The following TDRD1 variants were observed in gnomAD, a reference collection of about 807,000 sequenced individuals.
The protein encoded by TDRD1 is tudor domain-containing protein 1.
A neutral mutation model predicts 140.6 loss-of-function variants in TDRD1; 37 were observed. The observed-to-expected ratio is 0.26, with a 90% CI of 0.20 to 0.35. The LOEUF is 0.35. Among genes scored for constraint, TDRD1 ranks in the 10% least tolerant of loss-of-function variants. The probability of loss-of-function intolerance (pLI) is 1.00; values close to 1 mark genes in which losing one functional copy is unlikely to be tolerated. For missense variants in TDRD1, 1,243 were observed against 1,393.0 expected (o/e 0.89, Z 1.71); for synonymous variants, 506 against 475.7 (o/e 1.06, Z -0.83).
intron 3 of TDRD1, among the ~76,000 whole-genome samples, chr10:114,196,649 G>A (rs1050558580): frequency 6.6e-6 from 1 of 151,554 alleles, no homozygotes; most frequent in Admixed American, 6.6e-5. Context: ...TTAATAGAAG[G>A]AATTTTAAAA....
At chr10:114,218,382 G>A (rs2035944356) in intron 17 of TDRD1, 32 bp from the exon 18 acceptor site, 1 of 1,423,438 alleles carries the variant, frequency 7.0e-7, no homozygotes, top group Non-Finnish European at 9.4e-7. Flanking sequence ...GAAAGGAAAT[G>A]TTCCATGTCA....
In TDRD1 at chr10:114,221,345, GTA is replaced by G; in HGVS notation, c.2771-10_2771-9del. ...TTATTCCGTGTGAGACCTGTGTTTTGTATGTTTCCAGCTACCTCTTCAGCTGA... is the reference window on the plus strand; with the variant it reads ...TTATTCCGTGTGAGACCTGTGTTTTGTGTTTCCAGCTACCTCTTCAGCTGA... On this transcript the variant is annotated splice_polypyrimidine_tract_variant and intron_variant, in intron 19 of 25. Coordinates refer to ENST00000251864, the Ensembl canonical transcript of TDRD1. The G allele has an allele frequency of 6.2e-7, 1 of 1,612,066 alleles. No homozygotes were observed. Among genetic ancestry groups the G allele is most frequent in the South Asian group, 1.1e-5 (1 of 90,846 alleles).
Position 114,202,447 on chromosome 10 carries a change from CAG to C in TDRD1, c.696+150_696+151del, listed in dbSNP as rs140015293. On this transcript the variant is annotated intron_variant, in intron 6 of 25. Coordinates refer to ENST00000251864, the Ensembl canonical transcript of TDRD1. ...AATATGTACACCATAGTGATACAAT[CAG>C]GGGTTTTTGAGAATTACTTCATCTT... 2,418 of 530,780 alleles carry C rather than the reference CAG, an allele frequency of 4.6e-3. 41 individuals carry two copies. Among genetic ancestry groups the C allele is most frequent in the African/African-American group, 0.042 (2,117 of 51,004 alleles). 32.9% of individuals were successfully genotyped at this position (530,780 alleles called of 1,614,324 possible). A position where few individuals can be genotyped will look rare whatever the true frequency, so the allele number is the denominator to read the frequency against.
intron 1 of TDRD1, among the ~76,000 whole-genome samples, chr10:114,184,687 C>T (rs2033379071): frequency 6.6e-6 from 1 of 152,200 alleles, no homozygotes; most frequent in African/African-American, 2.4e-5. Flanking sequence ...GAAAAGGTAT[C>T]AAATTTGTCA....
chr10:114,186,410 C>T (rs1180896925), intron 1 of TDRD1, among the ~76,000 whole-genome samples: 1 of 151,890 alleles, frequency 6.6e-6, no homozygotes, highest in African/African-American at 2.4e-5. Flanking sequence ...ACTACAGGCA[C>T]CCGCCACCAC....
chr10:114,176,326 A>G (rs116964884), upstream of TDRD1, among the ~76,000 whole-genome samples: 885 of 152,192 alleles, frequency 5.8e-3, 3 homozygotes, highest in Middle Eastern at 0.027. This position sits in a 1 kb window ranked among gnomAD's most constrained non-coding sequence, Gnocchi z 4.2. Context: ...TGTAATAAAT[A>G]AATTGCAAGA....
intron 21 of TDRD1, among the ~76,000 whole-genome samples, chr10:114,223,192 A>G (rs1483217781): frequency 6.6e-6 from 1 of 152,208 alleles, no homozygotes; most frequent in Non-Finnish European, 1.5e-5. Flanking sequence ...GTTAAGTGGG[A>G]GTGGAGCCAG....
chr10:114,197,451 CATTT>C (rs1392457110), intron 3 of TDRD1, among the ~76,000 whole-genome samples: 1 of 152,008 alleles, frequency 6.6e-6, no homozygotes, highest in East Asian at 1.9e-4. Flanking sequence ...ACTCCCTATT[CATTT>C]GTTTCAAGCC....
At position 114,188,961 on chromosome 10, in the gene TDRD1, C is replaced by T. The variant is rs113964766; in HGVS notation, c.325+805C>T. Among the ~76,000 whole-genome samples, 769 of 150,846 alleles carry T rather than the reference C, an allele frequency of 5.1e-3. 7 individuals carry two copies. Among genetic ancestry groups the T allele is most frequent in the African/African-American group, 0.018 (738 of 41,050 alleles). ...TTGAAGGTATATGAGTTGTGGTCTT[C>T]TAACATGGTGATATAATTCTCAGAA... On this transcript the variant is annotated intron_variant, in intron 2 of 25. Transcript: ENST00000251864.
At chr10:114,179,279 A>C (rs2032816198) in exon 1 of TDRD1, 1 of 152,498 alleles carries the variant, frequency 6.6e-6, no homozygotes, top group African/African-American at 2.4e-5. Flanking sequence ...CGCTGAGGCC[A>C]GGAGGGCGCA....
chr10:114,230,960 G>A (rs560299923), intron 25 of TDRD1, among the ~76,000 whole-genome samples: 1 of 152,228 alleles, frequency 6.6e-6, no homozygotes, highest in East Asian at 1.9e-4. Context: ...CCAGCTACTG[G>A]GGAGGCTGAG....
upstream of TDRD1, among the ~76,000 whole-genome samples, chr10:114,178,485 G>GA (rs556837556): frequency 2.0e-5 from 3 of 152,336 alleles, no homozygotes; most frequent in African/African-American, 7.2e-5. Flanking sequence ...GTTAGGTACA[G>GA]AAAAAGGCAA....
intron 4 of TDRD1, among the ~76,000 whole-genome samples, chr10:114,200,084 T>A (rs1462626405): frequency 6.6e-6 from 1 of 152,246 alleles, no homozygotes; most frequent in Non-Finnish European, 1.5e-5. Context: ...GGAGTTTTGG[T>A]TGTTCCACAT....
chr10:114,181,941 T>C (rs577411626), intron 1 of TDRD1, among the ~76,000 whole-genome samples: 1 of 152,228 alleles, frequency 6.6e-6, no homozygotes, highest in East Asian at 1.9e-4. Flanking sequence ...CATAGAACTG[T>C]AAATCAAAGA....
At chr10:114,224,087 G>C (rs146403479) in intron 21 of TDRD1, among the ~76,000 whole-genome samples, 1 of 152,152 alleles carries the variant, frequency 6.6e-6, no homozygotes, top group Non-Finnish European at 1.5e-5. Context: ...TATTTGGGTG[G>C]ATCCTGTCCT....
exon 26 of TDRD1, chr10:114,231,859 G>C: frequency 4.4e-6 from 1 of 224,754 alleles, no homozygotes; most frequent in East Asian, 1.1e-4. Context: ...GAGGTGGGAG[G>C]ATCCCTTGAG....
intron 17 of TDRD1, 149 bp from the exon 18 acceptor site, chr10:114,218,265 T>C (rs2035937362): frequency 3.9e-6 from 2 of 512,156 alleles, no homozygotes; most frequent in East Asian, 6.3e-5. Context: ...CTAGAGATTT[T>C]TGAATTTTGA....
chr10:114,227,583 C>T (rs2036509882), intron 23 of TDRD1, among the ~76,000 whole-genome samples: 1 of 152,138 alleles, frequency 6.6e-6, no homozygotes, highest in Non-Finnish European at 1.5e-5. Flanking sequence ...TTCTTATTTC[C>T]AATTTACTTT....
At chr10:114,209,227 TA>T (rs1361540517) in intron 11 of TDRD1, among the ~76,000 whole-genome samples, 1 of 152,016 alleles carries the variant, frequency 6.6e-6, no homozygotes, top group Admixed American at 6.6e-5. Context: ...CAAGACCTCT[TA>T]AAAAAACAAT....
Sources: allele counts gnomAD v4.1 joint callset (sites outside exome capture counted in the v4.1 genomes callset), GRCh38; gene constraint gnomAD v4.1.1; non-coding constraint Gnocchi (gnomAD v3.1); transcripts MANE v1.5; gene names NCBI Gene and HGNC (gene_info 2026-07-23, HGNC 2026-07-21).